RBFOX1: variants seen among roughly 807,000 people sequenced by gnomAD.
RBFOX1 encodes the protein RNA binding protein fox-1 homolog 1.
In RBFOX1, 8 loss-of-function variants were observed where a neutral mutation model predicts 57.7. The observed-to-expected ratio is 0.14, with a 90% CI of 0.08 to 0.25. RBFOX1 has a LOEUF of 0.25. RBFOX1 is among the 10% of genes least tolerant of loss of function. The probability of loss-of-function intolerance (pLI) is 1.00; values close to 1 mark genes in which losing one functional copy is unlikely to be tolerated. For missense variants in RBFOX1, 611 were observed against 548.5 expected (o/e 1.11, Z -1.14); for synonymous variants, 326 against 222.4 (o/e 1.47, Z -4.15).
chr16:6,562,401 CAT>C, intron 2 of RBFOX1, among the ~76,000 whole-genome samples: 1 of 152,208 alleles, frequency 6.6e-6, no homozygotes, highest in East Asian at 1.9e-4. Flanking sequence ...CTTCAGAGCA[CAT>C]ATTGAATATT....
chr16:6,001,968 CTT>C (rs35956460), intron 4 of RBFOX1, among the ~76,000 whole-genome samples: 75 of 136,050 alleles, frequency 5.5e-4, no homozygotes, highest in East Asian at 1.1e-3. Flanking sequence ...GCTCTTAAAC[CTT>C]TTTTTTTTTT....
intron 3 of RBFOX1, among the ~76,000 whole-genome samples, chr16:5,804,585 G>A (rs1319092008): frequency 1.3e-5 from 2 of 152,140 alleles, no homozygotes; most frequent in Non-Finnish European, 2.9e-5. Context: ...GATGGTGGGA[G>A]GTGAAGGGGA....
At chr16:7,427,685 C>G (rs1017503578) in intron 4 of RBFOX1, among the ~76,000 whole-genome samples, 3 of 149,756 alleles carry the variant, frequency 2.0e-5, no homozygotes, top group African/African-American at 7.4e-5. Flanking sequence ...CTCTCTGTTT[C>G]CCAGGCTAGA....
intron 3 of RBFOX1, among the ~76,000 whole-genome samples, chr16:7,021,422 A>G (rs1568404187): frequency 6.9e-6 from 1 of 145,448 alleles, no homozygotes; most frequent in Non-Finnish European, 1.5e-5. Flanking sequence ...TGTTTTTTAT[A>G]TATTTGTATA....
intron 10 of RBFOX1, among the ~76,000 whole-genome samples, chr16:7,607,840 A>T (rs565802667): frequency 6.6e-6 from 1 of 152,182 alleles, no homozygotes; most frequent in Non-Finnish European, 1.5e-5. Context: ...TCGTTCATTA[A>T]TCAAATTCCC....
chr16:5,594,088 G>A (rs1186197593), intron 2 of RBFOX1, among the ~76,000 whole-genome samples: 5 of 151,938 alleles, frequency 3.3e-5, no homozygotes, highest in African/African-American at 9.7e-5. Flanking sequence ...TTTTACTGGC[G>A]CCATCATTGG....
At chr16:6,949,630 A>G (rs2080280725) in intron 3 of RBFOX1, among the ~76,000 whole-genome samples, 1 of 152,126 alleles carries the variant, frequency 6.6e-6, no homozygotes, top group Middle Eastern at 3.4e-3. Flanking sequence ...CTTTTTCTAA[A>G]AATGGCAGTC....
intron 4 of RBFOX1, among the ~76,000 whole-genome samples, chr16:7,272,744 G>C (rs1603467715): frequency 1.3e-5 from 2 of 152,188 alleles, no homozygotes; most frequent in East Asian, 3.9e-4. Context: ...AGCTCCTGAA[G>C]CTCCTGAAAC....
intron 3 of RBFOX1, among the ~76,000 whole-genome samples, chr16:6,800,589 G>A (rs757048038): frequency 2.0e-5 from 3 of 152,164 alleles, no homozygotes; most frequent in Non-Finnish European, 2.9e-5. Context: ...TCACCTGGCC[G>A]GATGGTTAAA....
At chr16:7,272,491 C>T (rs1247972145) in intron 4 of RBFOX1, among the ~76,000 whole-genome samples, 1 of 152,164 alleles carries the variant, frequency 6.6e-6, no homozygotes, top group African/African-American at 2.4e-5. Context: ...GCACCCGTTT[C>T]CCTAGTTTAG....
At chr16:7,609,827 G>A (rs185308445) in intron 10 of RBFOX1, among the ~76,000 whole-genome samples, 3 of 151,278 alleles carry the variant, frequency 2.0e-5, no homozygotes, top group African/African-American at 7.3e-5. Context: ...TTGTTTGTTT[G>A]TTTGTTTTGA....
intron 2 of RBFOX1, among the ~76,000 whole-genome samples, chr16:6,584,776 C>T (rs1316789432): frequency 6.6e-6 from 1 of 152,162 alleles, no homozygotes; most frequent in Non-Finnish European, 1.5e-5. Context: ...CAGGACCAGC[C>T]TGGCACCGAT....
At chr16:5,953,813 C>A (rs1045892189) in intron 4 of RBFOX1, among the ~76,000 whole-genome samples, 3 of 151,832 alleles carry the variant, frequency 2.0e-5, no homozygotes, top group Admixed American at 2.0e-4. Context: ...TGCTGTAAAC[C>A]TGCGTGTGCA....
intron 2 of RBFOX1, among the ~76,000 whole-genome samples, chr16:6,520,842 G>A (rs74922995): frequency 6.6e-6 from 1 of 152,086 alleles, no homozygotes; most frequent in African/African-American, 2.4e-5. Context: ...TTCCAAAAAG[G>A]ACTTTGAAGT....
intron 3 of RBFOX1, among the ~76,000 whole-genome samples, chr16:6,724,634 C>G (rs572422233): frequency 1.3e-5 from 2 of 152,160 alleles, no homozygotes; most frequent in African/African-American, 4.8e-5. Context: ...GCCACCCAGT[C>G]TGTGGAATTT....
At chr16:6,095,149 A>G (rs554225975) in intron 1 of RBFOX1, among the ~76,000 whole-genome samples, 126 of 152,312 alleles carry the variant, frequency 8.3e-4, no homozygotes, top group African/African-American at 3.0e-3. Context: ...ATATATCATC[A>G]TCCTCAGCAT....
At chr16:5,610,910 A>C (rs1163588117) in intron 3 of RBFOX1, among the ~76,000 whole-genome samples, 2 of 152,144 alleles carry the variant, frequency 1.3e-5, no homozygotes, top group Admixed American at 1.3e-4. Flanking sequence ...AGATCCCTCT[A>C]GTCCCTGGCT....
At chr16:6,891,509 A>T (rs2153376830) in intron 3 of RBFOX1, among the ~76,000 whole-genome samples, 1 of 152,168 alleles carries the variant, frequency 6.6e-6, no homozygotes, top group African/African-American at 2.4e-5. Context: ...AAGATATATC[A>T]GCTACATAAA....
chr16:7,221,112 T>A (rs1417312469), intron 4 of RBFOX1, among the ~76,000 whole-genome samples: 3 of 152,156 alleles, frequency 2.0e-5, no homozygotes, highest in African/African-American at 7.2e-5. Context: ...TGATTTGATT[T>A]GCTGCGTTTT....
Sources: gnomAD v4.1 joint callset for allele counts (sites outside exome capture counted in the v4.1 genomes callset) on GRCh38, gnomAD v4.1.1 for gene constraint, MANE v1.5 for transcripts, NCBI Gene and HGNC (gene_info 2026-07-23, HGNC 2026-07-21) for gene names.